CHP1: variants seen among roughly 807,000 people sequenced by gnomAD.
CHP1 encodes the protein calcineurin like EF-hand protein 1, also known as calcineurin B homologous protein 1.
A neutral mutation model predicts 27.4 loss-of-function variants in CHP1; 11 were observed. The ratio of observed to expected loss-of-function variants is 0.40; its 90% CI spans 0.25 to 0.67. The LOEUF (loss-of-function observed/expected upper bound fraction) is 0.67. CHP1 is among the 30% of genes least tolerant of loss of function. The pLI, the probability that CHP1 is intolerant of heterozygous loss-of-function variation, is 0.38. For missense variants in CHP1, 169 were observed against 251.3 expected (o/e 0.67, Z 2.22); for synonymous variants, 89 against 87.4 (o/e 1.02, Z -0.10).
At chr15:41,242,858 G>A (rs977649439) in intron 1 of CHP1, among the ~76,000 whole-genome samples, 67 of 151,662 alleles carry the variant, frequency 4.4e-4, no homozygotes, top group Admixed American at 3.7e-3. Flanking sequence ...CAGGAGAATC[G>A]CTTGAACACG....
chr15:41,250,106 A>G (rs948112694), intron 2 of CHP1, among the ~76,000 whole-genome samples: 1 of 149,816 alleles, frequency 6.7e-6, no homozygotes, highest in Non-Finnish European at 1.5e-5. Flanking sequence ...AAAAAAAAAA[A>G]AGCAAAAAGT....
chr15:41,249,848 T>A lies in CHP1; in HGVS notation c.140+6109T>A, dbSNP rs868544598. On this transcript the variant is annotated intron_variant, in intron 2 of 6. Transcript: ENST00000334660. ...TTCAACAATTTTTTTTTTTTTTTTTTACTTTCCTCTTTCAAGGTGCTCCAT... is the reference window on the plus strand; with the variant it reads ...TTCAACAATTTTTTTTTTTTTTTTTAACTTTCCTCTTTCAAGGTGCTCCAT... Among the ~76,000 whole-genome samples the A allele has an allele frequency of 6.6e-5, 10 of 151,372 alleles. 1 individual carries two copies. The South Asian group carries it at 2.1e-3, about 32-fold the overall frequency.
chr15:41,265,183 G>GA (rs1170749134), intron 4 of CHP1, among the ~76,000 whole-genome samples: 3 of 151,434 alleles, frequency 2.0e-5, no homozygotes, highest in African/African-American at 4.9e-5. Flanking sequence ...CCAACATAGT[G>GA]AAACCCCATT....
At chr15:41,237,116 C>T (rs1429003773) in intron 1 of CHP1, among the ~76,000 whole-genome samples, 1 of 151,072 alleles carries the variant, frequency 6.6e-6, no homozygotes. Flanking sequence ...CAGGCGTGAG[C>T]CACCGCACCT....
chr15:41,259,769 T>C (rs1292934496), intron 3 of CHP1, among the ~76,000 whole-genome samples: 1 of 152,250 alleles, frequency 6.6e-6, no homozygotes, highest in Non-Finnish European at 1.5e-5. Flanking sequence ...TTTTGTTTTT[T>C]TGAGACGGAG....
chr15:41,233,760 C>T (rs529251750), intron 1 of CHP1, among the ~76,000 whole-genome samples: 4 of 152,172 alleles, frequency 2.6e-5, no homozygotes, highest in Non-Finnish European at 4.4e-5. Context: ...TCCTTGTGGG[C>T]TGTCCTCATG....
At chr15:41,247,699 G>A (rs148506525) in intron 2 of CHP1, among the ~76,000 whole-genome samples, 4,597 of 150,790 alleles carry the variant, frequency 0.03, 252 homozygotes, top group African/African-American at 0.11. Flanking sequence ...AGGGCCGGGC[G>A]CGGTGGTTCA....
chr15:41,275,445 AC>A (rs1304001928), intron 5 of CHP1, among the ~76,000 whole-genome samples: 1 of 151,946 alleles, frequency 6.6e-6, no homozygotes, highest in Non-Finnish European at 1.5e-5. Flanking sequence ...GTGAGCCACC[AC>A]CCCCGGCCAA....
intron 5 of CHP1, among the ~76,000 whole-genome samples, chr15:41,271,666 A>G (rs1463670819): frequency 6.6e-6 from 1 of 152,154 alleles, no homozygotes; most frequent in Non-Finnish European, 1.5e-5. Context: ...TGTTGCTCCT[A>G]GGGATAATTC....
intron 2 of CHP1, among the ~76,000 whole-genome samples, chr15:41,245,230 G>C (rs2047328415): frequency 6.6e-6 from 1 of 152,192 alleles, no homozygotes; most frequent in Admixed American, 6.5e-5. Context: ...GGAGGCCAAG[G>C]CGGGCGGATC....
At chr15:41,259,047 T>C in intron 3 of CHP1, among the ~76,000 whole-genome samples, 1 of 152,230 alleles carries the variant, frequency 6.6e-6, no homozygotes, top group East Asian at 1.9e-4. Flanking sequence ...TCTTTCATTT[T>C]TTCCTTTCTC....
chr15:41,239,271 GTA>G (rs373547799), intron 1 of CHP1, among the ~76,000 whole-genome samples: 11 of 149,302 alleles, frequency 7.4e-5, no homozygotes, highest in Non-Finnish European at 1.6e-4. Flanking sequence ...ACATTTGGTT[GTA>G]TGTTTCTCCA....
At chr15:41,249,662 C>T (rs943084722) in intron 2 of CHP1, among the ~76,000 whole-genome samples, 4 of 151,470 alleles carry the variant, frequency 2.6e-5, no homozygotes, top group African/African-American at 9.7e-5. Flanking sequence ...TTAGTAGAGA[C>T]GGGGTTTCAC....
rs144891496 is a variant in CHP1, at chr15:41,252,927, G to GTT, written c.141-3954_141-3953dup. Among the ~76,000 whole-genome samples, 27 of 65,794 alleles carry GTT rather than the reference G, an allele frequency of 4.1e-4. 6 individuals carry two copies. Among genetic ancestry groups the GTT allele is most frequent in the African/African-American group, 7.6e-4 (13 of 17,002 alleles). 43.2% of individuals were successfully genotyped at this position (65,794 alleles called of 152,430 possible). On this transcript the variant is annotated intron_variant, in intron 2 of 6. Coordinates refer to ENST00000334660, the MANE Select transcript of CHP1 (RefSeq NM_007236.5). ...TCCACACAAATCTGTATTTCACATG[G>GTT]TTTTTTTTTTTTTTTTTTTTTTTTT...
intron 3 of CHP1, among the ~76,000 whole-genome samples, chr15:41,259,525 C>CT (rs535457262): frequency 0.038 from 4,436 of 116,000 alleles, 233 homozygotes; most frequent in African/African-American, 0.12. Flanking sequence ...CACATTGGGG[C>CT]TTTTTTTTTT....
intron 5 of CHP1, among the ~76,000 whole-genome samples, chr15:41,275,419 C>T (rs1380361710): frequency 3.3e-5 from 5 of 152,014 alleles, no homozygotes; most frequent in African/African-American, 1.2e-4. Flanking sequence ...CCTCCCAAAG[C>T]TTTGGGATTA....
At chr15:41,271,358 G>A (rs1019252565) in intron 5 of CHP1, among the ~76,000 whole-genome samples, 3 of 152,020 alleles carry the variant, frequency 2.0e-5, no homozygotes, top group African/African-American at 4.8e-5. Context: ...AACCCAGGAG[G>A]TGGAGGTTGC....
chr15:41,232,171 C>T (rs541982809), intron 1 of CHP1, among the ~76,000 whole-genome samples: 147 of 150,756 alleles, frequency 9.8e-4, no homozygotes, highest in African/African-American at 3.4e-3. Flanking sequence ...ATTGGATGTG[C>T]TCCAAAAATC....
chr15:41,253,085 C>T (rs927364693), intron 2 of CHP1, among the ~76,000 whole-genome samples: 10 of 151,450 alleles, frequency 6.6e-5, no homozygotes, highest in African/African-American at 2.4e-4. Flanking sequence ...ACTACAGGCT[C>T]GCGCCACCAT....
Sources: gnomAD v4.1 joint callset for allele counts (sites outside exome capture counted in the v4.1 genomes callset) on GRCh38, gnomAD v4.1.1 for gene constraint, MANE v1.5 for transcripts, NCBI Gene and HGNC (gene_info 2026-07-23, HGNC 2026-07-21) for gene names.